Variants in IGSF21 observed in about 807,000 individuals in gnomAD.
IGSF21 encodes the protein immunoglobin superfamily member 21, also known as immunoglobulin superfamily member 21.
A neutral mutation model predicts 46.8 loss-of-function variants in IGSF21; 28 were observed. The ratio of observed to expected loss-of-function variants is 0.60; its 90% CI spans 0.44 to 0.82. The LOEUF is 0.82. Among genes scored for constraint, IGSF21 ranks in the 40% least tolerant of loss-of-function variants. The pLI is 0.00. For synonymous variants in IGSF21, 284 were observed against 273.6 expected, an observed-to-expected ratio of 1.04 and a Z score of -0.38; for missense variants, 624 against 665.5, an observed-to-expected ratio of 0.94 and a Z score of 0.69.
chr1:18,239,448 C>T (rs2084704528), intron 2 of IGSF21, among the ~76,000 whole-genome samples: 1 of 152,168 alleles, frequency 6.6e-6, no homozygotes, highest in Non-Finnish European at 1.5e-5. Flanking sequence ...ACGACCACCC[C>T]TCCCTGCCCC....
At chr1:18,279,021 T>C (rs1427281054) in intron 2 of IGSF21, 1 of 417,620 alleles carries the variant, frequency 2.4e-6, no homozygotes, top group African/African-American at 2.1e-5. Flanking sequence ...GCCTCATCTG[T>C]CAAATGCAGA....
At chr1:18,256,637 G>A (rs1456156153) in intron 2 of IGSF21, among the ~76,000 whole-genome samples, 1 of 152,156 alleles carries the variant, frequency 6.6e-6, no homozygotes, top group Admixed American at 6.5e-5. Context: ...CTGAATCCAC[G>A]ATCTGCCCTT....
At chr1:18,326,753 G>A (rs2085661919) in intron 3 of IGSF21, among the ~76,000 whole-genome samples, 1 of 152,202 alleles carries the variant, frequency 6.6e-6, no homozygotes, top group African/African-American at 2.4e-5. Context: ...CTCCTGTCTG[G>A]GTCTGGGCCA....
chr1:18,275,939 T>C (rs1180713544), intron 2 of IGSF21, among the ~76,000 whole-genome samples: 4 of 152,186 alleles, frequency 2.6e-5, no homozygotes. Flanking sequence ...CCCACCGGTC[T>C]CTGCCCCAGT....
At chr1:18,280,038 T>A (rs2085143708) in intron 2 of IGSF21, among the ~76,000 whole-genome samples, 1 of 152,162 alleles carries the variant, frequency 6.6e-6, no homozygotes, top group Non-Finnish European at 1.5e-5. Flanking sequence ...ATCTGTCCCA[T>A]GATGAGCCCT....
At chr1:18,151,105 C>T (rs965890100) in intron 1 of IGSF21, among the ~76,000 whole-genome samples, 1 of 152,214 alleles carries the variant, frequency 6.6e-6, no homozygotes, top group Non-Finnish European at 1.5e-5. Flanking sequence ...GGCCTCTACC[C>T]AGGCTGTATC....
intron 1 of IGSF21, among the ~76,000 whole-genome samples, chr1:18,125,399 T>C (rs2086266835): frequency 6.6e-6 from 1 of 152,184 alleles, no homozygotes; most frequent in Non-Finnish European, 1.5e-5. Context: ...AGGGCAGGTA[T>C]CAGTACATGT....
At chr1:18,355,496 G>A (rs1317261272) in intron 4 of IGSF21, among the ~76,000 whole-genome samples, 1 of 152,142 alleles carries the variant, frequency 6.6e-6, no homozygotes, top group Non-Finnish European at 1.5e-5. Context: ...CAGGAGTGAT[G>A]GAGGTTGGCT....
At chr1:18,134,733 C>G (rs2086353707) in intron 1 of IGSF21, among the ~76,000 whole-genome samples, 1 of 152,132 alleles carries the variant, frequency 6.6e-6, no homozygotes, top group African/African-American at 2.4e-5. Flanking sequence ...ACTGAAAAAC[C>G]CCAGCACCCA....
intron 1 of IGSF21, among the ~76,000 whole-genome samples, chr1:18,205,446 G>A (rs186926487): frequency 2.0e-5 from 3 of 152,256 alleles, no homozygotes; most frequent in Admixed American, 6.5e-5. Context: ...TACAGGACAC[G>A]TTTGTCATCC....
chr1:18,254,418 T>C (rs2084871230), intron 2 of IGSF21, among the ~76,000 whole-genome samples: 1 of 152,192 alleles, frequency 6.6e-6, no homozygotes, highest in Non-Finnish European at 1.5e-5. Context: ...ACACATTCAC[T>C]GGATCTAGGT....
At chr1:18,208,646 C>T (rs2084359692) in intron 1 of IGSF21, among the ~76,000 whole-genome samples, 1 of 149,954 alleles carries the variant, frequency 6.7e-6, no homozygotes, top group Admixed American at 6.7e-5. Flanking sequence ...ATCCGCCCGC[C>T]TCGGCCTCCC....
intron 1 of IGSF21, among the ~76,000 whole-genome samples, chr1:18,125,033 G>T (rs1449396459): frequency 6.6e-6 from 1 of 152,098 alleles, no homozygotes; most frequent in East Asian, 1.9e-4. Flanking sequence ...GCCTCAGAGA[G>T]AAACTACTGT....
chr1:18,327,639 A>C (rs923209229), intron 3 of IGSF21, among the ~76,000 whole-genome samples: 1 of 152,244 alleles, frequency 6.6e-6, no homozygotes, highest in Admixed American at 6.5e-5. Context: ...GAAACCAAGC[A>C]AAACATAGTA....
chr1:18,373,326 G>A (rs1435173277), intron 6 of IGSF21, among the ~76,000 whole-genome samples: 4 of 152,114 alleles, frequency 2.6e-5, no homozygotes, highest in Admixed American at 2.6e-4. Flanking sequence ...CATTCCTTTC[G>A]GGCACTCTCA....
chr1:18,329,679 G>T (rs2124601861), intron 3 of IGSF21, among the ~76,000 whole-genome samples: 1 of 152,294 alleles, frequency 6.6e-6, no homozygotes, highest in African/African-American at 2.4e-5. Context: ...GGTGGCATCT[G>T]AATGTAGAGC....
At chr1:18,265,439 T>C (rs888700799) in intron 2 of IGSF21, among the ~76,000 whole-genome samples, 3 of 152,198 alleles carry the variant, frequency 2.0e-5, no homozygotes, top group Non-Finnish European at 4.4e-5. Context: ...CCTCTGGGTG[T>C]TCCTCCTGCA....
intron 2 of IGSF21, among the ~76,000 whole-genome samples, chr1:18,270,779 CA>C (rs968134132): frequency 1.4e-3 from 196 of 143,818 alleles, no homozygotes; most frequent in African/African-American, 2.6e-3. Context: ...ATCAGAGATT[CA>C]AAAAAAAAAA....
At chr1:18,283,197 GGAT>G (rs750648976) in intron 2 of IGSF21, among the ~76,000 whole-genome samples, 1 of 152,170 alleles carries the variant, frequency 6.6e-6, no homozygotes, top group Non-Finnish European at 1.5e-5. Context: ...CACGGTAACC[GGAT>G]GAGACAGGCA....
Sources: allele counts gnomAD v4.1 joint callset (sites outside exome capture counted in the v4.1 genomes callset), GRCh38; gene constraint gnomAD v4.1.1; transcripts MANE v1.5; gene names NCBI Gene and HGNC (gene_info 2026-07-23, HGNC 2026-07-21).